PFKM: variants seen among roughly 807,000 people sequenced by gnomAD.
PFKM encodes phosphofructokinase, muscle.
Under a neutral mutation model 95.5 loss-of-function variants are expected in PFKM, and 58 were observed. That is an observed-to-expected ratio of 0.61 (90% confidence interval 0.49 to 0.76). The LOEUF (loss-of-function observed/expected upper bound fraction) is 0.76. Ranked by LOEUF, PFKM falls within the 30% of genes least tolerant of loss-of-function variation. The probability of loss-of-function intolerance (pLI) is 0.00; values close to 1 mark genes in which losing one functional copy is unlikely to be tolerated. For missense variants in PFKM, 678 were observed against 1,005.4 expected, an observed-to-expected ratio of 0.67 and a Z score of 4.40; for synonymous variants, 336 against 357.2, an observed-to-expected ratio of 0.94 and a Z score of 0.67.
chr12:48,118,665 TTA>T (rs1263510816), upstream of PFKM: 15 of 755,340 alleles, frequency 2.0e-5, no homozygotes, highest in African/African-American at 3.4e-5. Flanking sequence ...GAAGCCCAAT[TTA>T]TATGTTTGCT....
chr12:48,139,926 G>A lies in PFKM; in HGVS notation c.1191+14G>A. ...CCGGTATCTAAGGTACTGGCAAGTT[G>A]ACTTGCCCTCTCCCCTTTTCCTTCT... On this transcript the variant is annotated intron_variant, in intron 13 of 22. Transcript: ENST00000359794. 1.3e-6 allele frequency: 2 copies of A among 1,572,300 alleles called. No homozygotes were observed. The highest frequency in any genetic ancestry group is 1.8e-6 in the Non-Finnish European group (2 of 1,142,220).
At position 48,134,256 on chromosome 12, in the gene PFKM, A is replaced by T; in HGVS notation, c.618A>T (p.Glu206Asp). Reference sequence around the variant, plus strand: ...GCCACCAGAGGACATTTGTGTTAGAAGTAATGGGCCGCCACTGTGGGTAAG... The same window carrying T: ...GCCACCAGAGGACATTTGTGTTAGATGTAATGGGCCGCCACTGTGGGTAAG... ...AQSHQRTFVL[E>D]VMGRHCGYLA... The change falls in exon 7 of 23, where the codon GAA becomes GAT. Residue 206 changes from glutamate to aspartate, a missense_variant. Physicochemically the swap from Glu to Asp is conservative, Grantham distance 45 (BLOSUM62 2). Transcript: ENST00000359794. 1 of 1,613,958 alleles carries T rather than the reference A, an allele frequency of 6.2e-7. No individual in the cohort carries two copies. The highest frequency in any genetic ancestry group is 8.5e-7 in the Non-Finnish European group (1 of 1,179,824).
At chr12:48,107,441 C>A (rs774244074) in exon 2 of PFKM, 1 of 1,595,352 alleles carries the variant, frequency 6.3e-7, no homozygotes, top group Admixed American at 1.7e-5. Flanking sequence ...TTAGTCAGGA[C>A]TCCTCAGAGA....
At chr12:48,114,202 G>C (rs1947468338) in intron 3 of PFKM, among the ~76,000 whole-genome samples, 1 of 152,318 alleles carries the variant, frequency 6.6e-6, no homozygotes, top group Admixed American at 6.5e-5. Context: ...TCTGGGGAGA[G>C]GGTAGAAGTT....
chr12:48,107,275 G>A lies in PFKM; in HGVS notation c.-9-90G>A, dbSNP rs1946753929. On this transcript the variant is annotated intron_variant, in intron 1 of 24. Coordinates refer to the PFKM transcript ENST00000340802. ...TTATATTGTCAAGTCCTAAGGCCAA[G>A]TAGTCATGAGTGTAGCTGGTCCATG... The A allele has an allele frequency of 8.9e-6, 7 of 787,802 alleles. No individual in the cohort carries two copies. The South Asian group carries it at 1.0e-4, about 11-fold the overall frequency. 48.8% of individuals were successfully genotyped at this position (787,802 alleles called of 1,614,324 possible). A position where few individuals can be genotyped will look rare whatever the true frequency, so the allele number is the denominator to read the frequency against.
intron 3 of PFKM, among the ~76,000 whole-genome samples, chr12:48,130,781 A>C (rs1162831083): frequency 1.3e-5 from 2 of 152,218 alleles, no homozygotes; most frequent in African/African-American, 4.8e-5. Context: ...AGGAGAAAAG[A>C]GACTTGCTGC....
chr12:48,126,469 G>A (rs1426921628), intron 2 of PFKM, among the ~76,000 whole-genome samples: 1 of 152,170 alleles, frequency 6.6e-6, no homozygotes, highest in Admixed American at 6.5e-5. Context: ...TAGAGTTGAG[G>A]TAAGAAGAAG....
chr12:48,123,226 C>G (rs1948466618), intron 2 of PFKM, among the ~76,000 whole-genome samples: 1 of 151,894 alleles, frequency 6.6e-6, no homozygotes, highest in African/African-American at 2.4e-5. Context: ...GGGAGGAGAC[C>G]CAGAATTAGT....
intron 2 of PFKM, among the ~76,000 whole-genome samples, chr12:48,107,816 A>C (rs1466404492): frequency 6.6e-6 from 1 of 152,226 alleles, no homozygotes; most frequent in African/African-American, 2.4e-5. Context: ...CAAAACTATC[A>C]GATAAATCAA....
At chr12:48,128,379 A>G (rs1176811977) in intron 2 of PFKM, among the ~76,000 whole-genome samples, 2 of 152,104 alleles carry the variant, frequency 1.3e-5, no homozygotes, top group Non-Finnish European at 1.5e-5. Flanking sequence ...AGCTGGGACT[A>G]TAGGGATGCA....
rs144281130 is a variant in PFKM, at chr12:48,135,253, G to A, written c.844-38G>A. On this transcript the variant is annotated intron_variant, in intron 9 of 22. Transcript: ENST00000359794. ...CTGCTTGTTTTCTTCCTTTGACTCT[G>A]CGTAACCCTCTCTCTGTCCCTCTGT... is the stretch of plus-strand genomic sequence containing the variant. 239 of 1,532,690 alleles carry A rather than the reference G, an allele frequency of 1.6e-4. No homozygotes were observed. In the African/African-American group the frequency reaches 2.8e-3, roughly 18 times the overall value. 94.9% of individuals were successfully genotyped at this position (1,532,690 alleles called of 1,614,324 possible).
intron 10 of PFKM, among the ~76,000 whole-genome samples, chr12:48,135,634 A>G (rs1950009851): frequency 6.6e-6 from 1 of 152,186 alleles, no homozygotes; most frequent in African/African-American, 2.4e-5. Flanking sequence ...TTTGTTTCAT[A>G]TATTTTTAAT....
chr12:48,140,594 GTTGTC>G (rs1016403719), intron 13 of PFKM, 123 bp from the exon 14 acceptor site: 2 of 946,396 alleles, frequency 2.1e-6, no homozygotes, highest in Non-Finnish European at 3.4e-6. Flanking sequence ...TGTGTGTTGT[GTTGTC>G]TTAGGCAGAT....
intron 3 of PFKM, chr12:48,108,234 A>G (rs1450313930): frequency 2.5e-6 from 4 of 1,579,686 alleles, no homozygotes; most frequent in Middle Eastern, 1.7e-4. Flanking sequence ...GTTCAAAGGA[A>G]TATGGGAAAG....
At chr12:48,133,960 T>C (rs552841119) in intron 6 of PFKM, among the ~76,000 whole-genome samples, 1 of 152,258 alleles carries the variant, frequency 6.6e-6, no homozygotes, top group Admixed American at 6.5e-5. Context: ...CTTCACTTCT[T>C]ATCCTTTCCT....
chr12:48,109,726 C>G (rs1170428021), intron 3 of PFKM, among the ~76,000 whole-genome samples: 3 of 152,108 alleles, frequency 2.0e-5, no homozygotes, highest in African/African-American at 7.2e-5. Context: ...CCACTCTTAA[C>G]CCTTTCAGCT....
At chr12:48,123,835 T>C (rs1005495889) in intron 2 of PFKM, among the ~76,000 whole-genome samples, 3 of 152,224 alleles carry the variant, frequency 2.0e-5, no homozygotes, top group Non-Finnish European at 2.9e-5. Context: ...AATAAGCAAG[T>C]GTGCATTAAC....
chr12:48,145,784 GT>G lies in PFKM; in HGVS notation c.*80del. ...CCTAATAAGTCCACATCTTCTCAGT[GT>G]TTTAGCTGTTTTTTTCATTAGGTTT... On this transcript the variant is annotated 3_prime_UTR_variant, in exon 23 of 23. Coordinates refer to ENST00000359794, the MANE Select transcript of PFKM (RefSeq NM_000289.6). This position sits in a 1 kb window ranked among gnomAD's most constrained non-coding sequence, Gnocchi z 4.3. 2 of 1,481,850 alleles carry G rather than the reference GT, an allele frequency of 1.3e-6. No homozygotes were observed. Among genetic ancestry groups the G allele is most frequent in the Non-Finnish European group, 1.9e-6 (2 of 1,061,020 alleles). The allele number at this position is 1,481,850 out of a possible 1,614,324, so 91.8% of individuals were successfully genotyped here. A position where few individuals can be genotyped will look rare whatever the true frequency, so the allele number is the denominator to read the frequency against.
At chr12:48,107,345 A>G in intron 1 of PFKM, 2 of 1,491,064 alleles carry the variant, frequency 1.3e-6, no homozygotes, top group South Asian at 2.3e-5. Context: ...GTTTGGATTA[A>G]ACTCTGTCTC....
Sources: gnomAD v4.1 joint callset for allele counts (sites outside exome capture counted in the v4.1 genomes callset) on GRCh38, gnomAD v4.1.1 for gene constraint, Gnocchi (gnomAD v3.1) non-coding constraint, MANE v1.5 for transcripts, NCBI Gene and HGNC (gene_info 2026-07-23, HGNC 2026-07-21) for gene names.